HAUS6: variants seen among roughly 807,000 people sequenced by gnomAD.
The protein encoded by HAUS6 is HAUS augmin-like complex subunit 6.
Under a neutral mutation model 106.8 loss-of-function variants are expected in HAUS6, and 80 were observed. That is an observed-to-expected ratio of 0.75 (90% confidence interval 0.63 to 0.90). HAUS6 has a LOEUF of 0.90. Ranked by LOEUF, HAUS6 falls within the 40% of genes least tolerant of loss-of-function variation. The pLI, the probability that HAUS6 is intolerant of heterozygous loss-of-function variation, is 0.00. For missense variants in HAUS6, 1,155 were observed against 1,118.1 expected (o/e 1.03, Z -0.47); for synonymous variants, 356 against 379.1 (o/e 0.94, Z 0.71).
intron 2 of HAUS6, among the ~76,000 whole-genome samples, chr9:19,096,153 A>C (rs563331966): frequency 6.6e-6 from 1 of 152,350 alleles, no homozygotes; most frequent in East Asian, 1.9e-4. Flanking sequence ...CAATGATTTT[A>C]AGATATGTAC....
At chr9:19,101,641 G>A (rs892392396) in intron 1 of HAUS6, among the ~76,000 whole-genome samples, 10 of 152,170 alleles carry the variant, frequency 6.6e-5, no homozygotes, top group African/African-American at 2.4e-4. Flanking sequence ...AAAAATAGAG[G>A]CCGGGCACGG....
chr9:19,098,022 T>C (rs915676254), intron 1 of HAUS6, among the ~76,000 whole-genome samples: 1 of 152,244 alleles, frequency 6.6e-6, no homozygotes, highest in Non-Finnish European at 1.5e-5. Flanking sequence ...GTTCCATCTA[T>C]CCTACTTCCT....
At chr9:19,071,346 T>C (rs1467170632) in intron 11 of HAUS6, among the ~76,000 whole-genome samples, 1 of 151,976 alleles carries the variant, frequency 6.6e-6, no homozygotes, top group Admixed American at 6.6e-5. Flanking sequence ...TTAAAAGATA[T>C]GAAAGACAGA....
chr9:19,079,047 C>G (rs1837075467), intron 9 of HAUS6, among the ~76,000 whole-genome samples: 1 of 148,770 alleles, frequency 6.7e-6, no homozygotes, highest in Middle Eastern at 3.5e-3. Flanking sequence ...ACCTGTAATC[C>G]CAGCTACTCA....
At chr9:19,063,380 A>T (rs537858918) in intron 13 of HAUS6, 134 bp downstream of exon 13, 2 of 653,108 alleles carry the variant, frequency 3.1e-6, no homozygotes, top group East Asian at 5.6e-5. Context: ...ATATAAGTAG[A>T]TATGGTACAA....
At chr9:19,075,928 C>A in intron 11 of HAUS6, among the ~76,000 whole-genome samples, 1 of 150,266 alleles carries the variant, frequency 6.7e-6, no homozygotes, top group African/African-American at 2.4e-5. Context: ...CACTGCACTC[C>A]AGCCTGGGCA....
intron 1 of HAUS6, among the ~76,000 whole-genome samples, chr9:19,097,701 C>T (rs978716540): frequency 6.6e-6 from 1 of 151,560 alleles, no homozygotes; most frequent in African/African-American, 2.4e-5. Context: ...CCAGAACCAT[C>T]TTTATAACAT....
At position 19,058,561 on chromosome 9, in the gene HAUS6, A is replaced by G; in HGVS notation, c.2206T>C (p.Leu736=). The change falls in exon 16 of 17, where the codon TTG becomes CTG. Residue 736 remains leucine, a synonymous_variant. Coordinates refer to ENST00000380502, the MANE Select transcript of HAUS6 (RefSeq NM_017645.5). ...GGSEEEFMKI[L]DHLEVSCNKP... ...TTACAAGAAACTTCTAAGTGGTCCAATATTTTCATAAACTCCTCTTCACTG... is the reference window on the plus strand; with the variant it reads ...TTACAAGAAACTTCTAAGTGGTCCAGTATTTTCATAAACTCCTCTTCACTG... The G allele has an allele frequency of 6.3e-7, 1 of 1,592,624 alleles. No individual in the cohort carries two copies. The highest frequency in any genetic ancestry group is 1.4e-5 in the African/African-American group (1 of 73,728).
At chr9:19,062,768 T>C (rs756317569) in intron 14 of HAUS6, among the ~76,000 whole-genome samples, 24 of 152,178 alleles carry the variant, frequency 1.6e-4, no homozygotes, top group Non-Finnish European at 2.9e-5. Flanking sequence ...CTTTAAGTGA[T>C]CCTCCACCTC....
chr9:19,092,518 G>A (rs1190504619), intron 4 of HAUS6, among the ~76,000 whole-genome samples: 2 of 151,324 alleles, frequency 1.3e-5, no homozygotes, highest in Admixed American at 6.6e-5. Context: ...CGGGGGCTGA[G>A]GCAGGAGAAT....
chr9:19,068,827 C>G (rs1836823520), intron 12 of HAUS6, among the ~76,000 whole-genome samples: 1 of 151,014 alleles, frequency 6.6e-6, no homozygotes, highest in African/African-American at 2.4e-5. Flanking sequence ...ATTTAGTTCA[C>G]AGATTTTTTG....
chr9:19,084,940 CTTTTT>C (rs890920917), intron 7 of HAUS6, among the ~76,000 whole-genome samples: 6 of 148,564 alleles, frequency 4.0e-5, no homozygotes, highest in Admixed American at 1.3e-4. Flanking sequence ...TTTTTTTTTT[CTTTTT>C]TAAGACGGGT....
chr9:19,088,378 T>G (rs1817670925), intron 5 of HAUS6, among the ~76,000 whole-genome samples: 3 of 147,486 alleles, frequency 2.0e-5, no homozygotes, highest in African/African-American at 7.6e-5. Flanking sequence ...ATTGTGACAC[T>G]GCGCTCCAGC....
chr9:19,091,523 G>C (rs2131149051), intron 4 of HAUS6, among the ~76,000 whole-genome samples: 1 of 152,058 alleles, frequency 6.6e-6, no homozygotes, highest in South Asian at 2.1e-4. Flanking sequence ...TCATCCAGTA[G>C]CAGAAAAACT....
intron 11 of HAUS6, among the ~76,000 whole-genome samples, chr9:19,071,900 A>T (rs1836888459): frequency 6.6e-6 from 1 of 152,140 alleles, no homozygotes; most frequent in South Asian, 2.1e-4. Flanking sequence ...ACCAGAAATC[A>T]AAAATTAACT....
At position 19,063,593 on chromosome 9, in the gene HAUS6, A is replaced by G; in HGVS notation, c.1377-13T>C. 6.3e-7 allele frequency: 1 copy of G among 1,577,912 alleles called. No homozygotes were observed. Among genetic ancestry groups the G allele is most frequent in the Non-Finnish European group, 8.7e-7 (1 of 1,147,106 alleles). ...GAAAGAGGCAGGGCTAAAAGGAAAA[A>G]AGACAACAAATCCAAGTTATAAGGA... On this transcript the variant is annotated splice_polypyrimidine_tract_variant and intron_variant, in intron 12 of 16. Transcript: ENST00000380502.
In HAUS6 at chr9:19,074,220, C is replaced by T. The variant is rs187699856; in HGVS notation, c.1294+2382G>A. ...CGAGATCGCACCACTGCACTCCAACCTGGATGACAGTGAGATTCTGTCTCA... is the reference window on the plus strand; with the variant it reads ...CGAGATCGCACCACTGCACTCCAACTTGGATGACAGTGAGATTCTGTCTCA... On this transcript the variant is annotated intron_variant, in intron 11 of 16. Coordinates refer to ENST00000380502, the MANE Select transcript of HAUS6 (RefSeq NM_017645.5). 3.0e-4 allele frequency among the ~76,000 whole-genome samples: 46 copies of T among 152,158 alleles called. No individual in the cohort carries two copies. In the East Asian group the frequency reaches 8.3e-3, roughly 28 times the overall value.
At chr9:19,099,312 G>A (rs1388788862) in intron 1 of HAUS6, among the ~76,000 whole-genome samples, 4 of 151,704 alleles carry the variant, frequency 2.6e-5, no homozygotes, top group Non-Finnish European at 5.9e-5. Context: ...GACTACAGGC[G>A]CCCGCCAACA....
At chr9:19,063,606 C>G in intron 12 of HAUS6, 26 bp from the exon 13 acceptor site, 5 of 1,509,118 alleles carry the variant, frequency 3.3e-6, no homozygotes, top group Non-Finnish European at 4.6e-6. Context: ...ACAACAAATC[C>G]AAGTTATAAG....
Sources: allele counts gnomAD v4.1 joint callset (sites outside exome capture counted in the v4.1 genomes callset), GRCh38; gene constraint gnomAD v4.1.1; transcripts MANE v1.5; gene names NCBI Gene and HGNC (gene_info 2026-07-23, HGNC 2026-07-21).